Variants in PCDHGA4 observed in about 807,000 individuals in gnomAD.
PCDHGA4 encodes the protein protocadherin gamma-A4.
Under a neutral mutation model 54.6 loss-of-function variants are expected in PCDHGA4, and 38 were observed. That is an observed-to-expected ratio of 0.70 (90% CI 0.54 to 0.91). The LOEUF (loss-of-function observed/expected upper bound fraction) is 0.91. Among genes scored for constraint, PCDHGA4 ranks in the 40% least tolerant of loss-of-function variants. The pLI is 0.00. For missense variants in PCDHGA4, 1,298 were observed against 1,220.9 expected (o/e 1.06, Z -0.94); for synonymous variants, 511 against 512.9 (o/e 1.00, Z 0.05).
At chr5:141,481,229 A>T (rs989963485) in intron 1 of PCDHGA4, among the ~76,000 whole-genome samples, 1 of 152,212 alleles carries the variant, frequency 6.6e-6, no homozygotes, top group Non-Finnish European at 1.5e-5. Flanking sequence ...TCCCAGCCTT[A>T]AAGTATTACA....
In PCDHGA4 at chr5:141,384,747, C is replaced by G. The variant is rs755356826; in HGVS notation, c.2514+27126C>G. 28 of 1,613,942 alleles carry G rather than the reference C, an allele frequency of 1.7e-5. No homozygotes were observed. The South Asian group carries it at 3.0e-4, about 17-fold the overall frequency. The stretch of plus-strand genomic sequence containing the variant: ...TGCTTAAGGCCAGCGAGCCAGGACT[C>G]TTTGCGGTTGGGCTGTACACGGGCG... On this transcript the variant is annotated intron_variant, in intron 1 of 3. Transcript: ENST00000571252.
At chr5:141,389,635 A>G in intron 1 of PCDHGA4, 1 of 1,612,978 alleles carries the variant, frequency 6.2e-7, no homozygotes, top group Non-Finnish European at 8.5e-7. Flanking sequence ...GAGCCTGGCT[A>G]CTTGGTGACC....
chr5:141,500,062 TAA>T (rs1314388217), intron 2 of PCDHGA4, among the ~76,000 whole-genome samples: 1 of 152,144 alleles, frequency 6.6e-6, no homozygotes, highest in East Asian at 1.9e-4. Flanking sequence ...TCTTTTAATG[TAA>T]AAGACTTCCC....
intron 1 of PCDHGA4, among the ~76,000 whole-genome samples, chr5:141,458,664 G>A (rs544369246): frequency 6.6e-6 from 1 of 152,196 alleles, no homozygotes; most frequent in African/African-American, 2.4e-5. Context: ...CCACCTCTCG[G>A]GTTCAAGCAA....
Position 141,491,436 on chromosome 5 carries a change from G to A in PCDHGA4, c.2515-3371G>A, listed in dbSNP as rs771884610. ...ACGGGGGTGGAGGGCAGTGCTGCAG[G>A]CGCCAGGACTCACCCTCCCCGGACT... On this transcript the variant is annotated intron_variant, in intron 1 of 3. Coordinates refer to ENST00000571252, the MANE Select transcript of PCDHGA4 (RefSeq NM_018917.4). This position sits in a 1 kb window ranked among gnomAD's most constrained non-coding sequence, Gnocchi z 6.9. 1 of 1,614,070 alleles carries A rather than the reference G, an allele frequency of 6.2e-7. No individual in the cohort carries two copies. The highest frequency in any genetic ancestry group is 8.5e-7 in the Non-Finnish European group (1 of 1,180,034).
At chr5:141,384,882 C>A in intron 1 of PCDHGA4, 1 of 1,613,872 alleles carries the variant, frequency 6.2e-7, no homozygotes, top group South Asian at 1.1e-5. Context: ...TCACACTCAC[C>A]GTGGCTGTGG....
At chr5:141,364,349 G>C (rs758855393) in intron 1 of PCDHGA4, 1 of 1,549,456 alleles carries the variant, frequency 6.5e-7, no homozygotes, top group Middle Eastern at 1.7e-4. Flanking sequence ...TCCACCTAGG[G>C]GCTGGGGCTG....
intron 1 of PCDHGA4, among the ~76,000 whole-genome samples, chr5:141,492,670 C>T (rs567661944): frequency 6.6e-6 from 1 of 152,344 alleles, no homozygotes; most frequent in South Asian, 2.1e-4. Context: ...CCCGGGACTC[C>T]GTCTCAAGGG....
chr5:141,413,137 T>C, intron 1 of PCDHGA4: 1 of 1,550,612 alleles, frequency 6.4e-7, no homozygotes, highest in Non-Finnish European at 8.7e-7. Flanking sequence ...ACACAACGTG[T>C]CCAGTGAGGA....
At chr5:141,496,637 C>T (rs907246032) in intron 2 of PCDHGA4, among the ~76,000 whole-genome samples, 6 of 152,214 alleles carry the variant, frequency 3.9e-5, no homozygotes, top group Non-Finnish European at 7.3e-5. Context: ...GCTTGGGCTG[C>T]CCTTGCCCTT....
intron 1 of PCDHGA4, chr5:141,371,592 A>G: frequency 6.2e-7 from 1 of 1,614,000 alleles, no homozygotes; most frequent in Non-Finnish European, 8.5e-7. Context: ...AGATACCAAA[A>G]ACACATACAG....
At chr5:141,498,971 GGGAAGGAA>G (rs201769957) in intron 2 of PCDHGA4, among the ~76,000 whole-genome samples, 18,877 of 110,786 alleles carry the variant, frequency 0.17, 1,784 homozygotes, top group Admixed American at 0.31. Context: ...GAGGGAGGGA[GGGAAGGAA>G]GGAAGGAAGG....
chr5:141,376,372 G>C (rs531227586), intron 1 of PCDHGA4: 2 of 1,614,182 alleles, frequency 1.2e-6, no homozygotes, highest in Admixed American at 1.7e-5. Context: ...CTGCAGACTC[G>C]CGTAAGAGTC....
intron 1 of PCDHGA4, among the ~76,000 whole-genome samples, chr5:141,483,201 C>A (rs2099578254): frequency 6.6e-6 from 1 of 152,108 alleles, no homozygotes; most frequent in Non-Finnish European, 1.5e-5. Context: ...TTATTTTATT[C>A]CATATAGATG....
At chr5:141,382,883 A>G in intron 1 of PCDHGA4, 5 of 1,528,792 alleles carry the variant, frequency 3.3e-6, no homozygotes, top group Non-Finnish European at 4.4e-6. Context: ...CGCCTAAGCA[A>G]GAGAAGCAGG....
At chr5:141,370,466 G>A in intron 1 of PCDHGA4, 1 of 1,613,220 alleles carries the variant, frequency 6.2e-7, no homozygotes, top group Non-Finnish European at 8.5e-7. Flanking sequence ...TGCTCTCTTT[G>A]TTAGACCAGG....
rs1027897777 is a variant in PCDHGA4, at chr5:141,510,812, C to T, written c.2663-135C>T. 151 of 1,531,674 alleles carry T rather than the reference C, an allele frequency of 9.9e-5. 1 individual carries two copies. The highest frequency in any genetic ancestry group is 2.5e-5 in the South Asian group (2 of 80,152). 94.9% of individuals were successfully genotyped at this position (1,531,674 alleles called of 1,614,324 possible). A position where few individuals can be genotyped will look rare whatever the true frequency, so the allele number is the denominator to read the frequency against. On this transcript the variant is annotated intron_variant, in intron 3 of 3. Coordinates refer to ENST00000571252, the MANE Select transcript of PCDHGA4 (RefSeq NM_018917.4). ...TGTGAAGAGAGACTACCTTGGTGAC[C>T]CCTATATTCCCAGTGCTCAGCGTGG...
intron 2 of PCDHGA4, among the ~76,000 whole-genome samples, chr5:141,496,639 C>A (rs752903356): frequency 6.6e-6 from 1 of 152,222 alleles, no homozygotes; most frequent in Non-Finnish European, 1.5e-5. Flanking sequence ...TTGGGCTGCC[C>A]TTGCCCTTCC....
rs762783104 is a variant in PCDHGA4 at position 141,485,601 on chromosome 5, G to A, written c.2515-9206G>A. 4.3e-6 allele frequency: 7 copies of A among 1,612,290 alleles called. No homozygotes were observed. The highest frequency in any genetic ancestry group is 5.9e-6 in the Non-Finnish European group (7 of 1,178,722). On this transcript the variant is annotated intron_variant, in intron 1 of 3. Transcript: ENST00000571252. The surrounding 1 kb of genome is among the most constrained non-coding windows in gnomAD (Gnocchi z 5.7). ...CGGCAGCAGCTGGACTTGGAAATTG[G>A]GGAGGCAGCTCCTCCAGGACAGCGT...
Sources: gnomAD v4.1 joint callset for allele counts (sites outside exome capture counted in the v4.1 genomes callset) on GRCh38, gnomAD v4.1.1 for gene constraint, Gnocchi (gnomAD v3.1) non-coding constraint, MANE v1.5 for transcripts, NCBI Gene and HGNC (gene_info 2026-07-23, HGNC 2026-07-21) for gene names.